KAZN: variants seen among roughly 807,000 people sequenced by gnomAD.
KAZN encodes the protein kazrin, periplakin interacting protein, also known as kazrin.
Under a neutral mutation model 87.4 loss-of-function variants are expected in KAZN, and 40 were observed. The ratio of observed to expected loss-of-function variants is 0.46; its 90% CI spans 0.36 to 0.60. The LOEUF (loss-of-function observed/expected upper bound fraction) is 0.60, where lower values mean the gene tolerates loss of function less well. Among genes scored for constraint, KAZN ranks in the 20% least tolerant of loss-of-function variants. The probability of loss-of-function intolerance (pLI) is 0.00; values close to 1 mark genes in which losing one functional copy is unlikely to be tolerated. For synonymous variants in KAZN, 466 were observed against 458.3 expected, an observed-to-expected ratio of 1.02 and a Z score of -0.22; for missense variants, 898 against 1,073.9, an observed-to-expected ratio of 0.84 and a Z score of 2.29.
At chr1:14,471,820 G>T (rs1335572346) in intron 2 of KAZN, among the ~76,000 whole-genome samples, 1 of 152,184 alleles carries the variant, frequency 6.6e-6, no homozygotes, top group Non-Finnish European at 1.5e-5. Flanking sequence ...TGAACAATTT[G>T]TTCTTTGGCT....
At chr1:14,130,371 T>A (rs1336337041) in intron 1 of KAZN, among the ~76,000 whole-genome samples, 1 of 152,216 alleles carries the variant, frequency 6.6e-6, no homozygotes, top group Non-Finnish European at 1.5e-5. Flanking sequence ...ACATCTTTCT[T>A]CAAAACAAGT....
intron 1 of KAZN, among the ~76,000 whole-genome samples, chr1:14,012,906 C>T (rs1234827752): frequency 1.3e-5 from 2 of 152,198 alleles, no homozygotes; most frequent in African/African-American, 4.8e-5. Flanking sequence ...TTTTATTTCT[C>T]CTTTACAATT....
chr1:13,948,984 G>A (rs139010947), intron 1 of KAZN, among the ~76,000 whole-genome samples: 5 of 152,232 alleles, frequency 3.3e-5, no homozygotes, highest in East Asian at 1.9e-4. Context: ...TCCCAGCATC[G>A]CCTCTCTGAC....
intron 2 of KAZN, among the ~76,000 whole-genome samples, chr1:14,512,635 G>T (rs1670972318): frequency 6.6e-6 from 1 of 152,140 alleles, no homozygotes; most frequent in Admixed American, 6.5e-5. Flanking sequence ...AAAAGCTAAG[G>T]CCCATCCCCA....
intron 10 of KAZN, among the ~76,000 whole-genome samples, chr1:15,097,875 A>C (rs1640869208): frequency 6.6e-6 from 1 of 152,206 alleles, no homozygotes; most frequent in South Asian, 2.1e-4. Context: ...AAGTCACACT[A>C]CAAAAAACCT....
intron 2 of KAZN, among the ~76,000 whole-genome samples, chr1:14,419,431 T>G (rs1361235423): frequency 6.6e-6 from 1 of 152,070 alleles, no homozygotes; most frequent in Non-Finnish European, 1.5e-5. Flanking sequence ...AGAACATGAG[T>G]GCCCAAAGCC....
chr1:14,489,192 A>G (rs1669511191), intron 2 of KAZN, among the ~76,000 whole-genome samples: 1 of 152,170 alleles, frequency 6.6e-6, no homozygotes, highest in South Asian at 2.1e-4. Flanking sequence ...ATGTGAAAAA[A>G]AGAAGAATAT....
At chr1:14,119,207 C>T (rs1202924139) in intron 1 of KAZN, among the ~76,000 whole-genome samples, 2 of 152,066 alleles carry the variant, frequency 1.3e-5, no homozygotes, top group African/African-American at 4.8e-5. Context: ...GATGAGAAGA[C>T]CAGGCAGCCC....
chr1:14,711,265 G>C (rs138748162), intron 1 of KAZN, among the ~76,000 whole-genome samples: 54 of 152,076 alleles, frequency 3.6e-4, no homozygotes, highest in African/African-American at 1.2e-3. Flanking sequence ...CCAGCCACTT[G>C]GGAGGCTGAG....
At chr1:14,627,962 G>A (rs1679268420) in intron 1 of KAZN, among the ~76,000 whole-genome samples, 1 of 151,966 alleles carries the variant, frequency 6.6e-6, no homozygotes, top group Non-Finnish European at 1.5e-5. Flanking sequence ...GACAGTGTGG[G>A]CAAGATGGAT....
intron 1 of KAZN, among the ~76,000 whole-genome samples, chr1:14,788,960 T>A (rs888643317): frequency 1.1e-4 from 17 of 152,324 alleles, no homozygotes; most frequent in Middle Eastern, 3.4e-3. Flanking sequence ...TACCTTTACC[T>A]GGGAAGGTTA....
At chr1:14,494,650 C>T (rs971041687) in intron 2 of KAZN, among the ~76,000 whole-genome samples, 7 of 152,142 alleles carry the variant, frequency 4.6e-5, no homozygotes, top group Admixed American at 4.6e-4. Flanking sequence ...AATAGTCTAT[C>T]CCCACTGCCT....
chr1:14,265,547 G>C (rs1372276516), intron 2 of KAZN, among the ~76,000 whole-genome samples: 2 of 152,208 alleles, frequency 1.3e-5, no homozygotes, highest in Non-Finnish European at 2.9e-5. Flanking sequence ...GTGTCATCTG[G>C]CATGCTTAGC....
chr1:15,011,472 G>A (rs898349536), intron 2 of KAZN, among the ~76,000 whole-genome samples: 7 of 152,148 alleles, frequency 4.6e-5, no homozygotes, highest in Admixed American at 1.3e-4. Flanking sequence ...ATTTGGGAGA[G>A]GCCCTCTTCC....
chr1:14,196,721 C>G (rs773399515), intron 2 of KAZN, among the ~76,000 whole-genome samples: 2 of 151,938 alleles, frequency 1.3e-5, no homozygotes, highest in African/African-American at 2.4e-5. Context: ...GGGAAAGAAT[C>G]AGATTGGAAA....
At chr1:14,362,484 A>G (rs1659604407) in intron 2 of KAZN, among the ~76,000 whole-genome samples, 1 of 152,202 alleles carries the variant, frequency 6.6e-6, no homozygotes, top group Non-Finnish European at 1.5e-5. Flanking sequence ...TGTTAGTAGC[A>G]AGCCACAGGT....
At chr1:14,095,529 G>C (rs1172364622) in intron 1 of KAZN, among the ~76,000 whole-genome samples, 1 of 152,180 alleles carries the variant, frequency 6.6e-6, no homozygotes, top group Admixed American at 6.5e-5. Context: ...ACTCCACAAT[G>C]TCTGGGGATC....
chr1:14,957,541 G>C (rs1229893348), intron 1 of KAZN, among the ~76,000 whole-genome samples: 1 of 152,260 alleles, frequency 6.6e-6, no homozygotes, highest in Non-Finnish European at 1.5e-5. Flanking sequence ...TGGGGAGCGA[G>C]TGAGCCTCCA....
chr1:14,192,367 A>T (rs1646438261), intron 2 of KAZN, among the ~76,000 whole-genome samples: 2 of 152,132 alleles, frequency 1.3e-5, no homozygotes, highest in South Asian at 4.1e-4. Context: ...ACAGGGTGGG[A>T]GCTCTCCCTG....
Sources: allele counts gnomAD v4.1 joint callset (sites outside exome capture counted in the v4.1 genomes callset), GRCh38; gene constraint gnomAD v4.1.1; transcripts MANE v1.5; gene names NCBI Gene and HGNC (gene_info 2026-07-23, HGNC 2026-07-21).